Variants in SLCO4A1 observed in about 807,000 individuals in gnomAD.
The protein encoded by SLCO4A1 is solute carrier organic anion transporter family member 4A1, also known as colon organic anion transporter.
In SLCO4A1, 51 loss-of-function variants were observed where a neutral mutation model predicts 64.6. The ratio of observed to expected loss-of-function variants is 0.79; its 90% CI spans 0.63 to 1.00. The LOEUF is 1.00. SLCO4A1 is among the 50% of genes least tolerant of loss of function. The pLI is 0.00. For synonymous variants in SLCO4A1, 471 were observed against 444.9 expected (o/e 1.06, Z -0.74); for missense variants, 919 against 980.5 (o/e 0.94, Z 0.84).
Position 62,661,036 on chromosome 20 carries a change from A to ACCCCCCACCCCCCC in SLCO4A1, c.1010-28_1010-27insCCCCCCACCCCCCC. On this transcript the variant is annotated intron_variant, in intron 4 of 11. Coordinates refer to ENST00000217159, the MANE Select transcript of SLCO4A1 (RefSeq NM_016354.4). This position sits in a 1 kb window ranked among gnomAD's most constrained non-coding sequence, Gnocchi z 5.2. Reference sequence around the variant, plus strand: ...CCACCTCCGGGAGCCCCCAGCCCCCAGCCCCAGCTCACTCTGTGCCCTTCC... The same window carrying ACCCCCCACCCCCCC: ...CCACCTCCGGGAGCCCCCAGCCCCCACCCCCCACCCCCCCGCCCCAGCTCACTCTGTGCCCTTCC... 2.1e-6 allele frequency: 1 copy of ACCCCCCACCCCCCC among 487,444 alleles called. No homozygotes were observed. Among genetic ancestry groups the ACCCCCCACCCCCCC allele is most frequent in the South Asian group, 1.6e-5 (1 of 62,796 alleles). The allele number at this position is 487,444 out of a possible 1,614,324, so 30.2% of individuals were successfully genotyped here. A position where few individuals can be genotyped will look rare whatever the true frequency, so the allele number is the denominator to read the frequency against.
At chr20:62,652,162 T>A (rs1982661265) in intron 1 of SLCO4A1, 1 of 151,562 alleles carries the variant, frequency 6.6e-6, no homozygotes, top group Non-Finnish European at 1.5e-5. Context: ...TTGAGGCTCC[T>A]TCCCTTCATG....
At chr20:62,688,605 A>C (rs746383935), downstream of SLCO4A1, among the ~76,000 whole-genome samples, 1 of 152,230 alleles carries the variant, frequency 6.6e-6, no homozygotes, top group Non-Finnish European at 1.5e-5. Context: ...GAATGGACGC[A>C]GGGCCCAGGA....
rs2275327 is a variant in SLCO4A1, at chr20:62,667,507, G to A, written c.1473-238G>A. On this transcript the variant is annotated intron_variant, in intron 7 of 11. Transcript: ENST00000217159. The stretch of plus-strand genomic sequence containing the variant: ...TAGGGAAAGGGGCTGTGCATCAGGC[G>A]GACGGTGCTGGGGGGCATGGGTGTG... The A allele has an allele frequency of 1.2e-4, 65 of 534,198 alleles. No individual in the cohort carries two copies. In the East Asian group the frequency reaches 1.4e-3, roughly 12 times the overall value. 33.1% of individuals were successfully genotyped at this position (534,198 alleles called of 1,614,324 possible).
At position 62,658,713 on chromosome 20, in the gene SLCO4A1, C is replaced by T. The variant is rs1263784277; in HGVS notation, c.833C>T (p.Ala278Val). 4.3e-6 allele frequency: 7 copies of T among 1,612,202 alleles called. No individual in the cohort carries two copies. The highest frequency in any genetic ancestry group is 5.9e-6 in the Non-Finnish European group (7 of 1,179,628). Residue 278 changes from alanine to valine, a missense_variant, in exon 3 of 12, where the codon GCC becomes GTC. By Grantham distance (64) the Ala-to-Val change is moderately conservative. Transcript: ENST00000217159. ...ACAGCGGCCATCCTGGGCCCAGCTG[C>T]CGGCTACCTGATTGGAGGTGCCCTG... ...FYTAAILGPA[A>V]GYLIGGALLN...
downstream of SLCO4A1, among the ~76,000 whole-genome samples, chr20:62,675,101 A>C (rs970688469): frequency 2.0e-5 from 3 of 152,150 alleles, no homozygotes; most frequent in Non-Finnish European, 4.4e-5. Flanking sequence ...AGCTGCAGAG[A>C]GGACAGAGAG....
rs1429553671 is a variant in SLCO4A1, at chr20:62,685,286, G to A, written n.212-155G>A. ...GGGGAGTGGGGGCTGGGTCGGGGCT[G>A]GGCCCTGGCTGCCCTGGCTGCCCCC... On this transcript the variant is annotated intron_variant and non_coding_transcript_variant, in intron 2 of 2. Transcript: ENST00000466818. The surrounding 1 kb of genome is among the most constrained non-coding windows in gnomAD (Gnocchi z 4.6). 6.6e-6 allele frequency among the ~76,000 whole-genome samples: 1 copy of A among 151,726 alleles called. No individual in the cohort carries two copies. The highest frequency in any genetic ancestry group is 6.6e-5 in the Admixed American group (1 of 15,248).
At position 62,645,101 on chromosome 20, in the gene SLCO4A1, C is replaced by CCCAGACACTGGGGGA. The variant is rs1981068827; in HGVS notation, c.-97+2549_-97+2550insCAGACACTGGGGGAC. On this transcript the variant is annotated intron_variant, in intron 1 of 11. Transcript: ENST00000217159. This position sits in a 1 kb window ranked among gnomAD's most constrained non-coding sequence, Gnocchi z 4.2. ...TGTTGCCTTCGTTCTGGGACATGGA[C>CCCAGACACTGGGGGA]CACTGTCTGGCCCCCCAGTGAGCTT... Among the ~76,000 whole-genome samples, 1 of 152,242 alleles carries CCCAGACACTGGGGGA rather than the reference C, an allele frequency of 6.6e-6. No homozygotes were observed. Among genetic ancestry groups the CCCAGACACTGGGGGA allele is most frequent in the African/African-American group, 2.4e-5 (1 of 41,458 alleles).
At chr20:62,660,612 T>G in intron 4 of SLCO4A1, 79 bp downstream of exon 4, 2 of 1,495,176 alleles carry the variant, frequency 1.3e-6, no homozygotes, top group Non-Finnish European at 1.8e-6. Context: ...CCCCGTTTCC[T>G]CTGCTGTCTT....
intron 1 of SLCO4A1, among the ~76,000 whole-genome samples, chr20:62,652,889 G>T (rs1156578196): frequency 1.3e-5 from 2 of 152,230 alleles, no homozygotes; most frequent in Admixed American, 1.3e-4. Flanking sequence ...CCACACGAGC[G>T]TGCACGGCTC....
At chr20:62,682,784 T>G (rs1987895919) in intron 2 of SLCO4A1, among the ~76,000 whole-genome samples, 1 of 152,120 alleles carries the variant, frequency 6.6e-6, no homozygotes, top group Non-Finnish European at 1.5e-5. Flanking sequence ...GTGGATCATG[T>G]CACCCCCGAC....
chr20:62,652,376 GTCC>G (rs1982712369), intron 1 of SLCO4A1, among the ~76,000 whole-genome samples: 2 of 152,136 alleles, frequency 1.3e-5, no homozygotes, highest in Admixed American at 1.3e-4. Flanking sequence ...AGCCTGGCCT[GTCC>G]TCCTCCGGGC....
chr20:62,666,361 AATC>A lies in SLCO4A1; in HGVS notation c.1277-18_1277-16del, dbSNP rs1441020045. 11 of 1,609,542 alleles carry A rather than the reference AATC, an allele frequency of 6.8e-6. No homozygotes were observed. In the African/African-American group the frequency reaches 1.5e-4, roughly 22 times the overall value. The stretch of plus-strand genomic sequence containing the variant: ...GGCCCCCTGCCTGAGTCCCTGGCTG[AATC>A]CCTCCCTCTCCCCAGGGTACCTGGT... On this transcript the variant is annotated splice_polypyrimidine_tract_variant and intron_variant, in intron 6 of 11. Coordinates refer to ENST00000217159, the MANE Select transcript of SLCO4A1 (RefSeq NM_016354.4).
downstream of SLCO4A1, among the ~76,000 whole-genome samples, chr20:62,688,670 G>A (rs1396955813): frequency 6.6e-6 from 1 of 152,282 alleles, no homozygotes; most frequent in South Asian, 2.1e-4. Flanking sequence ...TGGGGTGGGG[G>A]ATGCATGCCC....
rs529350879 is a variant in SLCO4A1, at chr20:62,644,564, G to A, written c.-97+2011G>A. ...GCCGGCTCTCCTCGGGGCTCTGATG[G>A]GCCCCTTGGCTTGACCAAGCCCCAT... On this transcript the variant is annotated intron_variant, in intron 1 of 11. Coordinates refer to ENST00000217159, the MANE Select transcript of SLCO4A1 (RefSeq NM_016354.4). The surrounding 1 kb of genome is among the most constrained non-coding windows in gnomAD (Gnocchi z 5.4). Among the ~76,000 whole-genome samples the A allele has an allele frequency of 3.3e-5, 5 of 152,346 alleles. No homozygotes were observed. In the East Asian group the frequency reaches 5.8e-4, roughly 18 times the overall value.
At chr20:62,684,084 C>A (rs6062825) in intron 2 of SLCO4A1, among the ~76,000 whole-genome samples, 11,872 of 43,214 alleles carry the variant, frequency 0.27, 136 homozygotes, top group African/African-American at 0.33. Flanking sequence ...GCTCACGCAA[C>A]GATCTCACGT....
rs1474025200 is a variant in SLCO4A1, at chr20:62,660,439, G to C, written c.915G>C (p.Leu305=). 1 of 1,600,354 alleles carries C rather than the reference G, an allele frequency of 6.2e-7. No individual in the cohort carries two copies. The highest frequency in any genetic ancestry group is 8.5e-7 in the Non-Finnish European group (1 of 1,179,888). Residue 305 remains leucine, a synonymous_variant, in exon 4 of 12, where the codon CTG becomes CTC. Transcript: ENST00000217159. ...CGGAGCTGACCACCGAGAGCCCACT[G>C]TGGGTCGGCGCCTGGTGGGTCGGCT... The part of the protein sequence containing the change: ...RRTELTTESP[L]WVGAWWVGFL...
chr20:62,674,190 G>A (rs566743048), downstream of SLCO4A1, among the ~76,000 whole-genome samples: 94 of 152,230 alleles, frequency 6.2e-4, no homozygotes, highest in Admixed American at 5.6e-3. Flanking sequence ...GGAACCAGCC[G>A]TGCTCCCAGC....
intron 1 of SLCO4A1, among the ~76,000 whole-genome samples, chr20:62,654,294 A>G (rs2147072440): frequency 6.6e-6 from 1 of 152,348 alleles, no homozygotes; most frequent in South Asian, 2.1e-4. Flanking sequence ...ATCTCTTCTC[A>G]GATCACTTGT....
chr20:62,672,295 G>A (rs1004379572), downstream of SLCO4A1: 58 of 1,105,692 alleles, frequency 5.2e-5, no homozygotes, highest in Non-Finnish European at 5.6e-5. Flanking sequence ...TTAAGCCTGC[G>A]TCCCCGTACC....
Sources: gnomAD v4.1 joint callset for allele counts (sites outside exome capture counted in the v4.1 genomes callset) on GRCh38, gnomAD v4.1.1 for gene constraint, Gnocchi (gnomAD v3.1) non-coding constraint, MANE v1.5 for transcripts, NCBI Gene and HGNC (gene_info 2026-07-23, HGNC 2026-07-21) for gene names.